RAPGEF4: variants seen among roughly 807,000 people sequenced by gnomAD.
The protein encoded by RAPGEF4 is Rap guanine nucleotide exchange factor 4.
A neutral mutation model predicts 147.9 loss-of-function variants in RAPGEF4; 66 were observed. The ratio of observed to expected loss-of-function variants is 0.45; its 90% CI spans 0.37 to 0.55. RAPGEF4 has a LOEUF of 0.55. RAPGEF4 is among the 20% of genes least tolerant of loss of function. RAPGEF4 has a pLI of 0.00. For synonymous variants in RAPGEF4, 419 were observed against 442.7 expected (o/e 0.95, Z 0.67); for missense variants, 1,071 against 1,257.3 (o/e 0.85, Z 2.24).
At chr2:172,807,252 A>C (rs1161942907) in intron 3 of RAPGEF4, among the ~76,000 whole-genome samples, 1 of 152,242 alleles carries the variant, frequency 6.6e-6, no homozygotes, top group Non-Finnish European at 1.5e-5. Context: ...ACTGCGTCAC[A>C]ATGCTGGACA....
At chr2:173,006,986 T>C (rs1694543421) in intron 17 of RAPGEF4, among the ~76,000 whole-genome samples, 2 of 152,230 alleles carry the variant, frequency 1.3e-5, no homozygotes, top group African/African-American at 4.8e-5. Context: ...GAACATGATA[T>C]GCTTTTTGGG....
intron 22 of RAPGEF4, 24 bp from the exon 23 acceptor site, chr2:173,020,594 A>G (rs1199261056): frequency 4.4e-6 from 7 of 1,583,094 alleles, no homozygotes; most frequent in Admixed American, 1.7e-5. Flanking sequence ...TTAATAGGCA[A>G]TCTCATGCTT....
At position 172,857,174 on chromosome 2, in the gene RAPGEF4, G is replaced by GCACACACACA. The variant is rs34315927; in HGVS notation, c.444+42768_444+42777dup. 3.9e-3 allele frequency among the ~76,000 whole-genome samples: 581 copies of GCACACACACA among 150,158 alleles called. 3 individuals are homozygous for GCACACACACA. Among genetic ancestry groups the GCACACACACA allele is most frequent in the African/African-American group, 0.013 (540 of 40,906 alleles). On this transcript the variant is annotated intron_variant, in intron 4 of 30. Coordinates refer to ENST00000397081, the MANE Select transcript of RAPGEF4 (RefSeq NM_007023.4). Reference sequence around the variant, plus strand: ...ATTTAAAATACGCGCGTGTGCGCGCGCACACACACACACACACACACACAC... The same window carrying GCACACACACA: ...ATTTAAAATACGCGCGTGTGCGCGCGCACACACACACACACACACACACACACACACACAC...
chr2:173,042,427 T>A lies in RAPGEF4; in HGVS notation c.2853+5735T>A, dbSNP rs887228037. Among the ~76,000 whole-genome samples the A allele has an allele frequency of 2.6e-5, 4 of 151,032 alleles. No homozygotes were observed. The highest frequency in any genetic ancestry group is 9.7e-5 in the African/African-American group (4 of 41,040). On this transcript the variant is annotated intron_variant, in intron 29 of 30. Coordinates refer to ENST00000397081, the MANE Select transcript of RAPGEF4 (RefSeq NM_007023.4). This position sits in a 1 kb window ranked among gnomAD's most constrained non-coding sequence, Gnocchi z 4.2. Reference sequence around the variant, plus strand: ...GGCGGGTGGATCATGGGGTCAGGAGTTCAAGACCAGCCTGGTAAAACCCCA... The same window carrying A: ...GGCGGGTGGATCATGGGGTCAGGAGATCAAGACCAGCCTGGTAAAACCCCA...
At chr2:173,002,080 G>T (rs1218333795) in intron 17 of RAPGEF4, among the ~76,000 whole-genome samples, 1 of 151,486 alleles carries the variant, frequency 6.6e-6, no homozygotes, top group African/African-American at 2.4e-5. Context: ...TAGCAGGAAT[G>T]GTTCCCTAAC....
chr2:172,773,650 C>T (rs560896364), intron 1 of RAPGEF4, among the ~76,000 whole-genome samples: 35 of 151,982 alleles, frequency 2.3e-4, no homozygotes, highest in South Asian at 6.3e-4. Context: ...CACTGCCCCC[C>T]CCGCGGACCA....
At chr2:172,785,470 T>C (rs185066235) in intron 1 of RAPGEF4, among the ~76,000 whole-genome samples, 1 of 152,318 alleles carries the variant, frequency 6.6e-6, no homozygotes, top group Non-Finnish European at 1.5e-5. Context: ...AAAGCTCACA[T>C]GCATTATCTC....
chr2:172,878,351 T>C (rs1354886371), intron 4 of RAPGEF4, among the ~76,000 whole-genome samples: 1 of 152,242 alleles, frequency 6.6e-6, no homozygotes, highest in Non-Finnish European at 1.5e-5. Context: ...CCTCAAAATA[T>C]TCTGATGTCC....
At chr2:172,884,063 G>A (rs144310296) in intron 4 of RAPGEF4, among the ~76,000 whole-genome samples, 1 of 152,094 alleles carries the variant, frequency 6.6e-6, no homozygotes, top group African/African-American at 2.4e-5. Flanking sequence ...CTAAACTGTT[G>A]CCACAGCAAT....
intron 6 of RAPGEF4, among the ~76,000 whole-genome samples, chr2:172,930,940 C>T (rs1685853923): frequency 6.6e-6 from 1 of 152,030 alleles, no homozygotes; most frequent in African/African-American, 2.4e-5. Context: ...AAAAGGAAGA[C>T]AATAATTTTC....
chr2:172,973,368 C>T (rs1234120770), intron 10 of RAPGEF4, among the ~76,000 whole-genome samples: 1 of 152,158 alleles, frequency 6.6e-6, no homozygotes, highest in Admixed American at 6.5e-5. Context: ...CCACCTCAGC[C>T]TCCCAAAGTA....
At chr2:172,986,275 T>A (rs1428838032) in intron 12 of RAPGEF4, among the ~76,000 whole-genome samples, 1 of 152,248 alleles carries the variant, frequency 6.6e-6, no homozygotes, top group East Asian at 1.9e-4. Flanking sequence ...TTTAAACCGA[T>A]ACTTCCTGAG....
At chr2:172,830,629 A>G (rs1295837070) in intron 4 of RAPGEF4, among the ~76,000 whole-genome samples, 1 of 151,882 alleles carries the variant, frequency 6.6e-6, no homozygotes, top group Non-Finnish European at 1.5e-5. Flanking sequence ...TTTGAGACAG[A>G]GTCTCTCTCT....
At chr2:172,910,970 A>T (rs568333289) in intron 4 of RAPGEF4, among the ~76,000 whole-genome samples, 6 of 152,316 alleles carry the variant, frequency 3.9e-5, no homozygotes, top group Middle Eastern at 3.4e-3. Flanking sequence ...CTTTCAGGAA[A>T]GCGTATGGGG....
In RAPGEF4 at chr2:173,020,677, C is replaced by T. The variant is rs1342627748; in HGVS notation, c.2215C>T (p.Arg739Cys). ...SVFTTLTING[R>C]LFACPREQFD... is the part of the protein sequence containing the mutation. ...ATTTACGACGCTCACCATTAATGGA[C>T]GCCTGTTTGCTTGCCCGCGAGAGCA... Residue 739 changes from arginine (R) to cysteine (C), a missense_variant, in exon 23 of 31, where the codon CGC (arginine) becomes TGC (cysteine). Physicochemically the swap from Arg to Cys is radical, Grantham distance 180. Transcript: ENST00000397081. 5 of 1,613,800 alleles carry T rather than the reference C, an allele frequency of 3.1e-6. No individual in the cohort carries two copies. The African/African-American group carries it at 4.0e-5, about 13-fold the overall frequency.
At chr2:172,989,107 G>A (rs1016140623) in intron 14 of RAPGEF4, among the ~76,000 whole-genome samples, 6 of 152,220 alleles carry the variant, frequency 3.9e-5, no homozygotes, top group African/African-American at 7.2e-5. Flanking sequence ...GAGAATTGAC[G>A]ATAAATAGGA....
intron 4 of RAPGEF4, among the ~76,000 whole-genome samples, chr2:172,906,415 C>A (rs1490980521): frequency 6.6e-6 from 1 of 152,212 alleles, no homozygotes; most frequent in Admixed American, 6.5e-5. Context: ...CAGGTGTTTG[C>A]AGCAATGCCT....
At chr2:173,005,856 C>G (rs905206377) in intron 17 of RAPGEF4, among the ~76,000 whole-genome samples, 1 of 152,048 alleles carries the variant, frequency 6.6e-6, no homozygotes, top group African/African-American at 2.4e-5. Context: ...AATCAAGGTA[C>G]AGGGAGGTCT....
chr2:172,850,535 A>G (rs1575035511), intron 4 of RAPGEF4, among the ~76,000 whole-genome samples: 1 of 152,018 alleles, frequency 6.6e-6, no homozygotes, highest in East Asian at 1.9e-4. Context: ...GGAGAATGGC[A>G]TGAACCCGGG....
Sources: gnomAD v4.1 joint callset for allele counts (sites outside exome capture counted in the v4.1 genomes callset) on GRCh38, gnomAD v4.1.1 for gene constraint, Gnocchi (gnomAD v3.1) non-coding constraint, MANE v1.5 for transcripts, NCBI Gene and HGNC (gene_info 2026-07-23, HGNC 2026-07-21) for gene names.